The following GPC6 variants were observed in gnomAD, a reference collection of about 807,000 sequenced individuals.
The protein encoded by GPC6 is glypican 6.
A neutral mutation model predicts 55.2 loss-of-function variants in GPC6; 14 were observed. The ratio of observed to expected loss-of-function variants is 0.25; its 90% CI spans 0.17 to 0.40. The LOEUF (loss-of-function observed/expected upper bound fraction) is 0.40, where lower values mean the gene tolerates loss of function less well. Among genes scored for constraint, GPC6 ranks in the 10% least tolerant of loss-of-function variants. The pLI, the probability that GPC6 is intolerant of heterozygous loss-of-function variation, is 1.00. For missense variants in GPC6, 641 were observed against 708.5 expected, an observed-to-expected ratio of 0.90 and a Z score of 1.08; for synonymous variants, 278 against 259.6, an observed-to-expected ratio of 1.07 and a Z score of -0.68.
intron 7 of GPC6, among the ~76,000 whole-genome samples, chr13:94,397,317 G>C (rs1320044774): frequency 6.6e-6 from 1 of 151,990 alleles, no homozygotes; most frequent in South Asian, 2.1e-4. Context: ...GAGTCAGAGA[G>C]GGCCCCAAGC....
intron 1 of GPC6, among the ~76,000 whole-genome samples, chr13:93,382,377 T>C (rs2139205720): frequency 6.6e-6 from 1 of 152,332 alleles, no homozygotes; most frequent in East Asian, 1.9e-4. Context: ...CGCATCACTT[T>C]TAACTTAAAA....
At chr13:93,320,465 CAG>C (rs1456721065) in intron 1 of GPC6, among the ~76,000 whole-genome samples, 2 of 151,834 alleles carry the variant, frequency 1.3e-5, no homozygotes, top group Non-Finnish European at 2.9e-5. Context: ...CTATTGGAAT[CAG>C]AATGTTTTGA....
intron 2 of GPC6, among the ~76,000 whole-genome samples, chr13:93,599,776 C>T (rs989687087): frequency 1.3e-5 from 2 of 151,998 alleles, no homozygotes; most frequent in South Asian, 2.1e-4. Flanking sequence ...AAAGTATAAG[C>T]GTAGTTAGCA....
chr13:94,311,985 C>T (rs1876271919), intron 6 of GPC6, among the ~76,000 whole-genome samples: 1 of 152,158 alleles, frequency 6.6e-6, no homozygotes. Context: ...TTGGGAGCTC[C>T]AGGTTTTCCT....
At chr13:94,028,264 CAA>C (rs199814666) in intron 4 of GPC6, among the ~76,000 whole-genome samples, 1 of 139,972 alleles carries the variant, frequency 7.1e-6, no homozygotes, top group Non-Finnish European at 1.6e-5. Context: ...GACCCTGTCT[CAA>C]AAAAAAAAAA....
chr13:94,232,361 C>T (rs1465213655), intron 4 of GPC6, among the ~76,000 whole-genome samples: 2 of 152,180 alleles, frequency 1.3e-5, no homozygotes, highest in South Asian at 2.1e-4. Flanking sequence ...CCCCAGAACA[C>T]GGAGCAGTGC....
chr13:93,608,025 G>A (rs1393096423), intron 2 of GPC6, among the ~76,000 whole-genome samples: 2 of 51,568 alleles, frequency 3.9e-5, no homozygotes, highest in Non-Finnish European at 7.1e-5. Context: ...CCACTCCTGT[G>A]GCACTTGGAG....
chr13:94,224,681 G>GT (rs1890492224), intron 4 of GPC6, among the ~76,000 whole-genome samples: 1 of 152,034 alleles, frequency 6.6e-6, no homozygotes, highest in South Asian at 2.1e-4. Context: ...TCTGTTGAAG[G>GT]TTTTTGGAGC....
intron 1 of GPC6, among the ~76,000 whole-genome samples, chr13:93,496,385 C>T (rs560176020): frequency 5.3e-5 from 8 of 152,156 alleles, no homozygotes; most frequent in Non-Finnish European, 7.4e-5. Flanking sequence ...CTTCGGCTCG[C>T]GCACCCACTG....
intron 6 of GPC6, among the ~76,000 whole-genome samples, chr13:94,380,903 T>C (rs1434052865): frequency 6.6e-6 from 1 of 152,226 alleles, no homozygotes; most frequent in Non-Finnish European, 1.5e-5. Context: ...TCTTTTATGA[T>C]GGACATTTTT....
chr13:94,252,139 T>A (rs1343457515), intron 4 of GPC6, among the ~76,000 whole-genome samples: 1 of 152,090 alleles, frequency 6.6e-6, no homozygotes, highest in East Asian at 1.9e-4. Context: ...TCCTCTCACT[T>A]CCCTGATCCT....
intron 1 of GPC6, among the ~76,000 whole-genome samples, chr13:93,367,231 A>G (rs908285140): frequency 2.0e-5 from 3 of 152,096 alleles, no homozygotes; most frequent in African/African-American, 7.2e-5. Flanking sequence ...TTGTTAAATA[A>G]TAGTGTCAAT....
intron 3 of GPC6, among the ~76,000 whole-genome samples, chr13:93,880,107 C>A (rs1241277596): frequency 2.0e-5 from 3 of 151,846 alleles, no homozygotes; most frequent in Admixed American, 6.6e-5. Context: ...ACACCTTTAC[C>A]CTGTTGGTGG....
chr13:93,591,709 A>C (rs1312908555), intron 2 of GPC6, among the ~76,000 whole-genome samples: 1 of 152,160 alleles, frequency 6.6e-6, no homozygotes, highest in African/African-American at 2.4e-5. Flanking sequence ...CAGCAGGATC[A>C]AGCTATCATA....
At chr13:94,161,815 T>C (rs1422619859) in intron 4 of GPC6, among the ~76,000 whole-genome samples, 1 of 152,042 alleles carries the variant, frequency 6.6e-6, no homozygotes, top group African/African-American at 2.4e-5. Context: ...TGAGACTGGG[T>C]AATTTATATG....
At chr13:93,831,732 G>C (rs1018579118) in intron 3 of GPC6, among the ~76,000 whole-genome samples, 1 of 151,944 alleles carries the variant, frequency 6.6e-6, no homozygotes, top group South Asian at 2.1e-4. Context: ...TTCTAGGAAG[G>C]CGCTGAAGGA....
rs115510484 is a variant in GPC6, at chr13:94,044,165, T to C, written c.877+16271T>C. ...CCTTTTGCCACCCACTCTTTGCAGGTTGATCAATCTCTTTAGTTTGTGGTT... is the reference window on the plus strand; with the variant it reads ...CCTTTTGCCACCCACTCTTTGCAGGCTGATCAATCTCTTTAGTTTGTGGTT... On this transcript the variant is annotated intron_variant, in intron 4 of 8. Coordinates refer to ENST00000377047, the MANE Select transcript of GPC6 (RefSeq NM_005708.5). Among the ~76,000 whole-genome samples the C allele has an allele frequency of 7.7e-3, 1,163 of 151,942 alleles. 17 individuals are homozygous for C. Among genetic ancestry groups the C allele is most frequent in the African/African-American group, 0.026 (1,074 of 41,510 alleles).
intron 2 of GPC6, among the ~76,000 whole-genome samples, chr13:93,670,529 G>T (rs1298709874): frequency 6.6e-6 from 1 of 152,132 alleles, no homozygotes; most frequent in African/African-American, 2.4e-5. Context: ...TGATGGAAAG[G>T]TCATATAATG....
chr13:93,514,283 G>C (rs747630936), intron 1 of GPC6, among the ~76,000 whole-genome samples: 4 of 152,090 alleles, frequency 2.6e-5, no homozygotes, highest in Non-Finnish European at 4.4e-5. Context: ...TGTTGGTTTA[G>C]AGAGCCTTAC....
Sources: allele counts gnomAD v4.1 joint callset (sites outside exome capture counted in the v4.1 genomes callset), GRCh38; gene constraint gnomAD v4.1.1; transcripts MANE v1.5; gene names NCBI Gene and HGNC (gene_info 2026-07-23, HGNC 2026-07-21).